Variants in INTS6 observed in about 807,000 individuals in gnomAD.
The protein encoded by INTS6 is integrator complex subunit 6, also known as DEAD box protein.
INTS6 carries 16 observed loss-of-function variants against 104.9 expected under a neutral mutation model. The observed-to-expected ratio is 0.15, with a 90% CI of 0.10 to 0.23. The LOEUF (loss-of-function observed/expected upper bound fraction) is 0.23, where lower values mean the gene tolerates loss of function less well. INTS6 is among the 10% of genes least tolerant of loss of function. The pLI, the probability that INTS6 is intolerant of heterozygous loss-of-function variation, is 1.00. For synonymous variants in INTS6, 324 were observed against 358.7 expected (o/e 0.90, Z 1.09); for missense variants, 584 against 1,062.8 (o/e 0.55, Z 6.26).
chr13:51,440,642 T>C (rs1952779438), intron 3 of INTS6: 2 of 152,310 alleles, frequency 1.3e-5, no homozygotes, highest in South Asian at 2.1e-4. Context: ...TATTTGTCAA[T>C]GTTTATATCT....
chr13:51,446,297 G>A (rs891041217), intron 3 of INTS6: 3 of 152,112 alleles, frequency 2.0e-5, no homozygotes, highest in Admixed American at 1.3e-4. Flanking sequence ...GCCAACAAGC[G>A]TATGTTGATG....
downstream of INTS6, among the ~76,000 whole-genome samples, chr13:51,349,992 T>C (rs1294300412): frequency 6.6e-6 from 1 of 152,156 alleles, no homozygotes; most frequent in East Asian, 1.9e-4. Flanking sequence ...CTCTCTTAGG[T>C]CTAGATTTAG....
intron 15 of INTS6, among the ~76,000 whole-genome samples, chr13:51,373,859 C>A (rs1003361102): frequency 1.3e-5 from 2 of 152,240 alleles, no homozygotes; most frequent in African/African-American, 4.8e-5. Flanking sequence ...CAAAGCACAG[C>A]ATTATCCAAA....
At chr13:51,449,369 C>A in intron 3 of INTS6, 1 of 687,216 alleles carries the variant, frequency 1.5e-6, no homozygotes, top group Non-Finnish European at 1.8e-6. Context: ...GCCTTATAGA[C>A]AAGAACTAAA....
chr13:51,452,792 G>A lies in INTS6; in HGVS notation c.-267C>T. 1.7e-6 allele frequency: 2 copies of A among 1,199,998 alleles called. No individual in the cohort carries two copies. Among genetic ancestry groups the A allele is most frequent in the Admixed American group, 4.4e-5 (1 of 22,546 alleles). The allele number at this position is 1,199,998 out of a possible 1,614,324, so 74.3% of individuals were successfully genotyped here. On this transcript the variant is annotated 5_prime_UTR_variant, in exon 1 of 18. Transcript: ENST00000311234. The surrounding 1 kb of genome is among the most constrained non-coding windows in gnomAD (Gnocchi z 4.2). Reference sequence around the variant, plus strand: ...CGCTGGGGCGGGCGCCCAGCCGTCTGTCTGTCGGTTCGTCCCCCCCGCCTC... The same window carrying A: ...CGCTGGGGCGGGCGCCCAGCCGTCTATCTGTCGGTTCGTCCCCCCCGCCTC...
At position 51,363,361 on chromosome 13, in the gene INTS6, A is replaced by G. The variant is rs551993641; in HGVS notation, c.*2391T>C. The G allele has an allele frequency of 6.6e-6, 1 of 152,068 alleles. No homozygotes were observed. Among genetic ancestry groups the G allele is most frequent in the East Asian group, 1.9e-4 (1 of 5,176 alleles). The allele number at this position is 152,068 out of a possible 1,614,324, so 9.4% of individuals were successfully genotyped here. A position where few individuals can be genotyped will look rare whatever the true frequency, so the allele number is the denominator to read the frequency against. Reference sequence around the variant, plus strand: ...ACCTCTATCTGGGAGGCATTAGCCTACATCACACAACACAGTGGCTGCTCT... The same window carrying G: ...ACCTCTATCTGGGAGGCATTAGCCTGCATCACACAACACAGTGGCTGCTCT... On this transcript the variant is annotated 3_prime_UTR_variant, in exon 18 of 18. Transcript: ENST00000311234.
chr13:51,422,354 A>G (rs1158806440), intron 4 of INTS6, among the ~76,000 whole-genome samples: 5 of 152,174 alleles, frequency 3.3e-5, no homozygotes, highest in Non-Finnish European at 7.3e-5. Flanking sequence ...TTACCCAGAA[A>G]AAAGTTCATG....
chr13:51,341,103 C>G, the INTS6 span: 11 of 1,613,930 alleles, frequency 6.8e-6, no homozygotes, highest in Non-Finnish European at 9.3e-6. Context: ...TGCCGCCTTT[C>G]CTGATCACCC....
intron 9 of INTS6, 49 bp downstream of exon 9, chr13:51,383,277 TAGG>T: frequency 4.7e-6 from 7 of 1,488,590 alleles, no homozygotes; most frequent in Non-Finnish European, 6.3e-6. Context: ...AAATGCGCTT[TAGG>T]AGAACTTTTA....
chr13:51,340,548 C>T, the INTS6 span, among the ~76,000 whole-genome samples: 287 of 152,192 alleles, frequency 1.9e-3, 1 homozygote, highest in South Asian at 5.4e-3. Flanking sequence ...AGTCACTGGG[C>T]CTCAAAGGTT....
intron 17 of INTS6, among the ~76,000 whole-genome samples, chr13:51,366,825 G>A (rs1955701488): frequency 6.6e-6 from 1 of 151,984 alleles, no homozygotes; most frequent in South Asian, 2.1e-4. Flanking sequence ...AGAAGAGACA[G>A]GGGGACAAAG....
intron 5 of INTS6, among the ~76,000 whole-genome samples, chr13:51,392,110 C>T (rs1160714346): frequency 6.6e-6 from 1 of 152,210 alleles, no homozygotes; most frequent in Non-Finnish European, 1.5e-5. Context: ...CAAAGTACTA[C>T]TACTAGTCTT....
chr13:51,417,647 G>C (rs1297373338), intron 4 of INTS6, among the ~76,000 whole-genome samples: 1 of 151,872 alleles, frequency 6.6e-6, no homozygotes, highest in African/African-American at 2.4e-5. Context: ...AATAGAGATG[G>C]GGTTTCACCG....
intron 5 of INTS6, among the ~76,000 whole-genome samples, chr13:51,392,174 T>A (rs1357224333): frequency 6.6e-6 from 1 of 152,250 alleles, no homozygotes; most frequent in Non-Finnish European, 1.5e-5. Context: ...AAGTGGTATT[T>A]CAGAAATAGA....
At chr13:51,432,270 A>C (rs930658555) in intron 3 of INTS6, among the ~76,000 whole-genome samples, 6 of 152,098 alleles carry the variant, frequency 3.9e-5, no homozygotes, top group South Asian at 2.1e-4. Context: ...GAGTGGTTCC[A>C]TGGAGCACAA....
In INTS6 at chr13:51,452,424, G is replaced by T. The variant is rs761589494; in HGVS notation, c.102C>A (p.Thr34=). The T allele has an allele frequency of 6.2e-7, 1 of 1,608,804 alleles. No individual in the cohort carries two copies. Among genetic ancestry groups the T allele is most frequent in the East Asian group, 2.3e-5 (1 of 44,376 alleles). ...YLDTAKGAVE[T]FMKLRARDPA... is the part of the protein sequence containing the mutation. ...CTCGGTCAGTCGGTACCTTCATGAA[G>T]GTCTCTACCGCGCCTTTGGCCGTGT... The change falls in exon 1 of 18, where the codon ACC becomes ACA. Residue 34 remains threonine, a synonymous_variant. Coordinates refer to ENST00000311234, the MANE Select transcript of INTS6 (RefSeq NM_012141.3). This position sits in a 1 kb window ranked among gnomAD's most constrained non-coding sequence, Gnocchi z 4.2.
chr13:51,338,226 T>A, the INTS6 span, among the ~76,000 whole-genome samples: 2 of 152,190 alleles, frequency 1.3e-5, no homozygotes, highest in Non-Finnish European at 2.9e-5. Flanking sequence ...TCCCCTGGAA[T>A]TCCTGCTACA....
intron 4 of INTS6, among the ~76,000 whole-genome samples, chr13:51,406,570 T>C (rs1478442815): frequency 1.3e-5 from 2 of 152,204 alleles, no homozygotes; most frequent in East Asian, 3.8e-4. Context: ...CCAACCTCCT[T>C]GACCAAGCTA....
rs1955623236 is a variant in INTS6 at position 51,363,471 on chromosome 13, GAATC to G, written c.*2277_*2280del. On this transcript the variant is annotated 3_prime_UTR_variant, in exon 18 of 18. Coordinates refer to ENST00000311234, the MANE Select transcript of INTS6 (RefSeq NM_012141.3). ...ACAAATCTTACTAAGAGCAACTAAT[GAATC>G]AATCAGCAAATGAGAAACATGGGAG... The G allele has an allele frequency of 6.6e-6, 1 of 151,432 alleles. No homozygotes were observed. The highest frequency in any genetic ancestry group is 1.5e-5 in the Non-Finnish European group (1 of 67,804). 9.4% of individuals were successfully genotyped at this position (151,432 alleles called of 1,614,324 possible).
Sources: allele counts gnomAD v4.1 joint callset (sites outside exome capture counted in the v4.1 genomes callset), GRCh38; gene constraint gnomAD v4.1.1; non-coding constraint Gnocchi (gnomAD v3.1); transcripts MANE v1.5; gene names NCBI Gene and HGNC (gene_info 2026-07-23, HGNC 2026-07-21).